Variants in IFRD1 observed in about 807,000 individuals in gnomAD.
IFRD1 encodes the protein interferon-related developmental regulator 1.
In IFRD1, 35 loss-of-function variants were observed where a neutral mutation model predicts 52.9. The ratio of observed to expected loss-of-function variants is 0.66; its 90% CI spans 0.51 to 0.88. The LOEUF (loss-of-function observed/expected upper bound fraction) is 0.88, where lower values mean the gene tolerates loss of function less well. Among genes scored for constraint, IFRD1 ranks in the 40% least tolerant of loss-of-function variants. The pLI, the probability that IFRD1 is intolerant of heterozygous loss-of-function variation, is 0.00. For missense variants in IFRD1, 517 were observed against 550.8 expected (o/e 0.94, Z 0.61); for synonymous variants, 184 against 188.4 (o/e 0.98, Z 0.19).
chr7:112,456,069 C>T lies in IFRD1; in HGVS notation c.267C>T (p.Asp89=). ...DLEYKLKGLI[D]LTLDKSAKTR... is the part of the protein sequence containing the mutation. Reference sequence around the variant, plus strand: ...AGTACAAGTTGAAGGGATTAATTGACCTAACCCTGGATAAGAGGTAGGCAA... The same window carrying T: ...AGTACAAGTTGAAGGGATTAATTGATCTAACCCTGGATAAGAGGTAGGCAA... The change falls in exon 3 of 12, where the codon GAC becomes GAT. Residue 89 remains aspartate, a synonymous_variant. Transcript: ENST00000403825. The T allele has an allele frequency of 1.9e-6, 3 of 1,601,112 alleles. No individual in the cohort carries two copies. Among genetic ancestry groups the T allele is most frequent in the Non-Finnish European group, 8.6e-7 (1 of 1,168,302 alleles).
intron 4 of IFRD1, chr7:112,458,301 A>AGAGT (rs953723366): frequency 1.3e-4 from 19 of 151,078 alleles, no homozygotes; most frequent in African/African-American, 4.5e-4. Context: ...CTTGGGCGAC[A>AGAGT]GAGTGAGACC....
In IFRD1 at chr7:112,450,478, G is replaced by A. The variant is rs797004754; in HGVS notation, c.-211G>A. ...CTGCCCCGCCTTAGCTCCCGCGCTA[G>A]AGAGAAACATGTATCGTTTTCGATC... is the stretch of plus-strand genomic sequence containing the variant. On this transcript the variant is annotated 5_prime_UTR_variant, in exon 1 of 12. Coordinates refer to ENST00000403825, the MANE Select transcript of IFRD1 (RefSeq NM_001550.4). 11 of 599,402 alleles carry A rather than the reference G, an allele frequency of 1.8e-5. No homozygotes were observed. Among genetic ancestry groups the A allele is most frequent in the Non-Finnish European group, 2.7e-5 (9 of 329,332 alleles). 37.1% of individuals were successfully genotyped at this position (599,402 alleles called of 1,614,324 possible). A position where few individuals can be genotyped will look rare whatever the true frequency, so the allele number is the denominator to read the frequency against.
At chr7:112,439,106 G>A (rs376638083) in intron 1 of IFRD1, among the ~76,000 whole-genome samples, 15 of 152,166 alleles carry the variant, frequency 9.9e-5, no homozygotes, top group East Asian at 9.6e-4. Flanking sequence ...CCAAAAAGCA[G>A]TCATACACAA....
At chr7:112,424,635 G>A (rs1328733600) in intron 1 of IFRD1, among the ~76,000 whole-genome samples, 2 of 151,846 alleles carry the variant, frequency 1.3e-5, no homozygotes, top group African/African-American at 4.8e-5. Context: ...GGCTGGTCTC[G>A]AACTCCTGAC....
chr7:112,423,748 T>G (rs1370372976), intron 1 of IFRD1, among the ~76,000 whole-genome samples: 1 of 152,186 alleles, frequency 6.6e-6, no homozygotes, highest in Non-Finnish European at 1.5e-5. Context: ...TGGCCCTTTG[T>G]GGCCATGGAG....
chr7:112,440,553 T>C (rs1794856097), intron 1 of IFRD1, among the ~76,000 whole-genome samples: 1 of 152,210 alleles, frequency 6.6e-6, no homozygotes, highest in Non-Finnish European at 1.5e-5. Flanking sequence ...ACAATAAATA[T>C]CAGTAATGAT....
At chr7:112,447,535 A>G (rs1278544455), upstream of IFRD1, among the ~76,000 whole-genome samples, 1 of 152,190 alleles carries the variant, frequency 6.6e-6, no homozygotes, top group Non-Finnish European at 1.5e-5. Context: ...GCAGCTAGGG[A>G]TCATCCTGTG....
At chr7:112,469,471 T>TA (rs1025349362) in intron 9 of IFRD1, among the ~76,000 whole-genome samples, 1 of 152,198 alleles carries the variant, frequency 6.6e-6, no homozygotes, top group Non-Finnish European at 1.5e-5. Context: ...TATTAAGAAT[T>TA]AAAAATTAGT....
intron 1 of IFRD1, among the ~76,000 whole-genome samples, chr7:112,443,149 T>C (rs1011162686): frequency 9.9e-5 from 15 of 152,206 alleles, no homozygotes; most frequent in African/African-American, 2.4e-4. Flanking sequence ...GTTAGAGCCT[T>C]GGATCTTAAT....
intron 8 of IFRD1, chr7:112,467,393 G>C (rs1795638015): frequency 6.5e-6 from 1 of 153,210 alleles, no homozygotes; most frequent in African/African-American, 2.4e-5. Context: ...CACGTTAACT[G>C]TGACAAGGAA....
upstream of IFRD1, among the ~76,000 whole-genome samples, chr7:112,447,744 G>A (rs1795062436): frequency 6.6e-6 from 1 of 152,180 alleles, no homozygotes; most frequent in Non-Finnish European, 1.5e-5. Context: ...AGTATGTGGA[G>A]CTGAAGACCA....
At chr7:112,455,737 T>G (rs1164387289) in intron 1 of IFRD1, 26 bp from the exon 2 acceptor site, 1 of 1,466,172 alleles carries the variant, frequency 6.8e-7, no homozygotes, top group Non-Finnish European at 9.6e-7. Context: ...TAAAATAATT[T>G]ACCTCTTTCC....
intron 7 of IFRD1, 24 bp from the exon 8 acceptor site, chr7:112,462,246 T>C: frequency 6.2e-7 from 1 of 1,609,130 alleles, no homozygotes; most frequent in Non-Finnish European, 8.5e-7. Flanking sequence ...TGTATTCACA[T>C]AGTAATGACT....
chr7:112,458,665 T>C (rs1795353499), intron 4 of IFRD1, among the ~76,000 whole-genome samples, 196 bp from the exon 5 acceptor site: 1 of 152,194 alleles, frequency 6.6e-6, no homozygotes, highest in Non-Finnish European at 1.5e-5. Flanking sequence ...ATAAGTGGGA[T>C]CTAGGATTTG....
chr7:112,466,821 G>C (rs1431976808), intron 8 of IFRD1, among the ~76,000 whole-genome samples: 1 of 152,080 alleles, frequency 6.6e-6, no homozygotes, highest in East Asian at 1.9e-4. Context: ...AAATGTACTT[G>C]TTTTTTATAA....
upstream of IFRD1, among the ~76,000 whole-genome samples, chr7:112,446,892 G>A (rs1173224540): frequency 1.3e-5 from 2 of 152,272 alleles, no homozygotes; most frequent in Non-Finnish European, 2.9e-5. Context: ...TCAGAGACCT[G>A]CTAAGAGTTT....
At chr7:112,435,307 C>T (rs1368042162) in intron 1 of IFRD1, 7 of 152,122 alleles carry the variant, frequency 4.6e-5, no homozygotes, top group Non-Finnish European at 1.0e-4. Flanking sequence ...TGAGGCACTC[C>T]AGGGCTTATT....
chr7:112,467,763 G>T, intron 8 of IFRD1: 2 of 531,754 alleles, frequency 3.8e-6, no homozygotes, highest in Non-Finnish European at 3.4e-6. Flanking sequence ...AATGTTAATT[G>T]TTTTGCTGTA....
At chr7:112,440,173 T>C (rs1438476066) in intron 1 of IFRD1, among the ~76,000 whole-genome samples, 2 of 152,108 alleles carry the variant, frequency 1.3e-5, no homozygotes, top group African/African-American at 4.8e-5. Flanking sequence ...TTAGTAGAGA[T>C]GGGGTTTCCC....
Sources: gnomAD v4.1 joint callset for allele counts (sites outside exome capture counted in the v4.1 genomes callset) on GRCh38, gnomAD v4.1.1 for gene constraint, MANE v1.5 for transcripts, NCBI Gene and HGNC (gene_info 2026-07-23, HGNC 2026-07-21) for gene names.